The following TMEM131 variants were observed in gnomAD, a reference collection of about 807,000 sequenced individuals.
TMEM131 encodes 2610524E03Rik.
A neutral mutation model predicts 211.6 loss-of-function variants in TMEM131; 66 were observed. The ratio of observed to expected loss-of-function variants is 0.31; its 90% CI spans 0.26 to 0.38. The LOEUF (loss-of-function observed/expected upper bound fraction) is 0.38. Among genes scored for constraint, TMEM131 ranks in the 10% least tolerant of loss-of-function variants. TMEM131 has a pLI of 1.00. For synonymous variants in TMEM131, 844 were observed against 841.3 expected (o/e 1.00, Z -0.06); for missense variants, 2,036 against 2,299.3 (o/e 0.89, Z 2.34).
intron 2 of TMEM131, among the ~76,000 whole-genome samples, chr2:97,922,321 C>G (rs139525363): frequency 6.6e-6 from 1 of 152,160 alleles, no homozygotes; most frequent in African/African-American, 2.4e-5. Context: ...CAGACCGGTA[C>G]TGGTCCATGG....
chr2:97,984,886 G>T (rs1559491495), intron 1 of TMEM131, among the ~76,000 whole-genome samples: 1 of 152,074 alleles, frequency 6.6e-6, no homozygotes, highest in Non-Finnish European at 1.5e-5. Flanking sequence ...TAGCCTGGCA[G>T]CTGCAGGCAG....
chr2:97,760,433 C>G, intron 38 of TMEM131, 160 bp downstream of exon 38: 1 of 700,338 alleles, frequency 1.4e-6, no homozygotes, highest in Non-Finnish European at 2.4e-6. Context: ...CTGCTTCCAC[C>G]CAGCAGACAT....
intron 11 of TMEM131, among the ~76,000 whole-genome samples, chr2:97,832,133 G>A (rs1417796667): frequency 2.0e-5 from 3 of 151,486 alleles, no homozygotes; most frequent in Non-Finnish European, 4.4e-5. Context: ...GCCTGACCCA[G>A]TAAGAGCAAA....
intron 5 of TMEM131, among the ~76,000 whole-genome samples, chr2:97,846,545 AAAG>A (rs1462701196): frequency 6.6e-6 from 1 of 152,230 alleles, no homozygotes; most frequent in Non-Finnish European, 1.5e-5. Flanking sequence ...TCAATATTAT[AAAG>A]AACACCTACA....
chr2:97,804,948 C>T, intron 22 of TMEM131, 140 bp downstream of exon 22: 1 of 568,372 alleles, frequency 1.8e-6, no homozygotes. Context: ...AGATGCCTCA[C>T]TAATAACTTT....
At chr2:97,866,160 C>T (rs1001792007) in intron 4 of TMEM131, among the ~76,000 whole-genome samples, 1 of 152,196 alleles carries the variant, frequency 6.6e-6, no homozygotes, top group Non-Finnish European at 1.5e-5. Flanking sequence ...GGATTACAGG[C>T]GTGAGCCGCC....
rs907407006 is a variant in TMEM131, at chr2:97,805,412, C to G, written c.2248G>C (p.Asp750His). Residue 750 changes from aspartate to histidine, a missense_variant, in exon 21 of 41, where the codon GAT (aspartate) becomes CAT (histidine). Around this residue, in one of 3 missense-constraint regions of TMEM131, gnomAD observed 1,623 missense variants for 1,805.9 expected, o/e 0.90. Coordinates refer to ENST00000186436, the MANE Select transcript of TMEM131 (RefSeq NM_015348.2). ...IYFDPGLQCG[D>H]HCYVGLPFLS... is the part of the protein sequence containing the mutation. ...AAAGGCAAGCCAACATAGCAATGAT[C>G]CCCACACTGTAGTCCAGGATCAAAA... 1 of 1,613,788 alleles carries G rather than the reference C, an allele frequency of 6.2e-7. No individual in the cohort carries two copies.
At chr2:97,970,759 T>G (rs1341391722) in intron 1 of TMEM131, among the ~76,000 whole-genome samples, 4 of 152,102 alleles carry the variant, frequency 2.6e-5, no homozygotes. Flanking sequence ...TATGGCCAAC[T>G]TCTGGTGGTC....
intron 6 of TMEM131, among the ~76,000 whole-genome samples, chr2:97,843,221 C>T (rs1472242589): frequency 6.6e-6 from 1 of 152,124 alleles, no homozygotes; most frequent in Non-Finnish European, 1.5e-5. Context: ...AATAGCATGA[C>T]TTGGGCAAAT....
At position 97,895,879 on chromosome 2, in the gene TMEM131, G is replaced by A. The variant is rs183226697; in HGVS notation, c.291-7759C>T. Among the ~76,000 whole-genome samples, 66 of 152,186 alleles carry A rather than the reference G, an allele frequency of 4.3e-4. 1 individual carries two copies. Among genetic ancestry groups the A allele is most frequent in the African/African-American group, 1.4e-3 (60 of 41,526 alleles). Reference sequence around the variant, plus strand: ...TCTCTATCTCCTTCAGTTCTGCTCTGATCTTAGTTATTTCTTATCTTCTGC... The same window carrying A: ...TCTCTATCTCCTTCAGTTCTGCTCTAATCTTAGTTATTTCTTATCTTCTGC... On this transcript the variant is annotated intron_variant, in intron 3 of 40. Coordinates refer to ENST00000186436, the MANE Select transcript of TMEM131 (RefSeq NM_015348.2).
At chr2:97,970,555 G>A (rs1485900097) in intron 1 of TMEM131, among the ~76,000 whole-genome samples, 2 of 152,190 alleles carry the variant, frequency 1.3e-5, no homozygotes, top group African/African-American at 4.8e-5. Context: ...ACAAGTAAAT[G>A]ATAAACCAAT....
chr2:97,858,794 A>G (rs1027422906), intron 5 of TMEM131, among the ~76,000 whole-genome samples: 5 of 152,224 alleles, frequency 3.3e-5, no homozygotes, highest in Non-Finnish European at 7.3e-5. Flanking sequence ...TTCTACAACC[A>G]CAAGGAACCT....
intron 1 of TMEM131, among the ~76,000 whole-genome samples, chr2:97,990,904 T>A (rs530750242): frequency 1.1e-4 from 17 of 152,226 alleles, no homozygotes; most frequent in African/African-American, 3.9e-4. Flanking sequence ...TGGCAAAAAA[T>A]TTTAAAAGTC....
At chr2:97,881,582 T>G (rs967861890) in intron 4 of TMEM131, among the ~76,000 whole-genome samples, 7 of 150,448 alleles carry the variant, frequency 4.7e-5, no homozygotes, top group Non-Finnish European at 8.9e-5. Context: ...TGTTACAGAG[T>G]AAAACTGGGT....
intron 3 of TMEM131, among the ~76,000 whole-genome samples, chr2:97,889,081 G>C (rs985106261): frequency 6.6e-6 from 1 of 152,134 alleles, no homozygotes; most frequent in Non-Finnish European, 1.5e-5. Context: ...TCATAATATG[G>C]AGGAAATTTG....
At position 97,814,153 on chromosome 2, in the gene TMEM131, C is replaced by T; in HGVS notation, c.1447-12G>A. The T allele has an allele frequency of 6.2e-7, 1 of 1,610,278 alleles. No individual in the cohort carries two copies. The highest frequency in any genetic ancestry group is 8.5e-7 in the Non-Finnish European group (1 of 1,178,426). ...CTGAAGTTGTGAACCTGAGAAATGA[C>T]AGAAGAGAAAAAAAACAAAGTGTCA... is the stretch of plus-strand genomic sequence containing the variant. On this transcript the variant is annotated splice_polypyrimidine_tract_variant and intron_variant, in intron 14 of 40. Transcript: ENST00000186436.
chr2:97,908,619 A>C, intron 3 of TMEM131, 39 bp downstream of exon 3: 49 of 1,507,662 alleles, frequency 3.3e-5, no homozygotes, highest in South Asian at 7.1e-5. Flanking sequence ...CCCCAGAAGG[A>C]ACCGAAAGTA....
intron 1 of TMEM131, 141 bp downstream of exon 1, chr2:97,995,335 G>T: frequency 1.2e-6 from 1 of 803,148 alleles, no homozygotes; most frequent in Non-Finnish European, 1.7e-6. Context: ...GCGCCGCGAG[G>T]TCCCGGCTCG....
chr2:97,830,485 G>A (rs566644038), intron 11 of TMEM131, among the ~76,000 whole-genome samples: 10 of 152,214 alleles, frequency 6.6e-5, no homozygotes, highest in East Asian at 3.9e-4. Flanking sequence ...TCAACGGTCC[G>A]GAACATTCTA....
Sources: gnomAD v4.1 joint callset for allele counts (sites outside exome capture counted in the v4.1 genomes callset) on GRCh38, gnomAD v4.1.1 for gene constraint, gnomAD v4.1.1 regional missense constraint, MANE v1.5 for transcripts, NCBI Gene and HGNC (gene_info 2026-07-23, HGNC 2026-07-21) for gene names.